The following SLC35G2 variants were observed in gnomAD, a reference collection of about 807,000 sequenced individuals.
The protein encoded by SLC35G2 is transmembrane protein 22.
Under a neutral mutation model 27.2 loss-of-function variants are expected in SLC35G2, and 20 were observed. That is an observed-to-expected ratio of 0.74 (90% confidence interval 0.52 to 1.07). The LOEUF (loss-of-function observed/expected upper bound fraction) is 1.07. Ranked by LOEUF, SLC35G2 falls within the 50% of genes least tolerant of loss-of-function variation. The pLI is 0.00. For synonymous variants in SLC35G2, 148 were observed against 165.3 expected (o/e 0.90, Z 0.80); for missense variants, 416 against 493.3 (o/e 0.84, Z 1.48).
At chr3:136,851,662 A>AT (rs1392748721) in intron 1 of SLC35G2, among the ~76,000 whole-genome samples, 2 of 152,172 alleles carry the variant, frequency 1.3e-5, no homozygotes, top group Non-Finnish European at 2.9e-5. Context: ...CTAAGTACTG[A>AT]TAGGAGCTAG....
At chr3:136,845,800 T>G (rs1937346779) in intron 1 of SLC35G2, among the ~76,000 whole-genome samples, 1 of 152,010 alleles carries the variant, frequency 6.6e-6, no homozygotes, top group East Asian at 1.9e-4. Context: ...TTCACCATGT[T>G]GGCCAGGATG....
chr3:136,833,566 C>A (rs141995508), intron 1 of SLC35G2, among the ~76,000 whole-genome samples: 1 of 152,086 alleles, frequency 6.6e-6, no homozygotes, highest in Non-Finnish European at 1.5e-5. Flanking sequence ...CAGAATGAAG[C>A]GGTTCCACTT....
At chr3:136,835,484 T>C (rs945886822) in intron 1 of SLC35G2, among the ~76,000 whole-genome samples, 8 of 152,182 alleles carry the variant, frequency 5.3e-5, no homozygotes, top group Non-Finnish European at 7.3e-5. Flanking sequence ...GATGTTAACT[T>C]TGATGGCTTA....
chr3:136,853,594 T>C (rs1337442109), intron 1 of SLC35G2, among the ~76,000 whole-genome samples: 1 of 152,178 alleles, frequency 6.6e-6, no homozygotes, highest in African/African-American at 2.4e-5. Flanking sequence ...AAAAAATAAA[T>C]AACAAAAAGG....
chr3:136,824,724 A>G (rs1936542720), intron 1 of SLC35G2, among the ~76,000 whole-genome samples: 2 of 152,122 alleles, frequency 1.3e-5, no homozygotes, highest in Admixed American at 6.5e-5. Flanking sequence ...CTGCTTTTCC[A>G]GTTTGGATGT....
chr3:136,854,704 C>T lies in SLC35G2; in HGVS notation c.244C>T (p.Pro82Ser), dbSNP rs1470846270. ...MDTLPPPTED[P>S]MINEIGQFQS... is the part of the protein sequence containing the mutation. ...TACCCTACCTCCACCAACAGAAGACCCAATGATCAATGAGATTGGACAATT... is the reference window on the plus strand; with the variant it reads ...TACCCTACCTCCACCAACAGAAGACTCAATGATCAATGAGATTGGACAATT... The change falls in exon 2 of 2, where the codon CCA becomes TCA. Residue 82 changes from proline (P) to serine (S), a missense_variant. Coordinates refer to ENST00000446465, the MANE Select transcript of SLC35G2 (RefSeq NM_025246.3). 1 of 1,613,842 alleles carries T rather than the reference C, an allele frequency of 6.2e-7. No homozygotes were observed. Among genetic ancestry groups the T allele is most frequent in the African/African-American group, 1.3e-5 (1 of 74,854 alleles).
chr3:136,831,879 TGAGTC>T (rs915047667), intron 1 of SLC35G2, among the ~76,000 whole-genome samples: 3 of 152,010 alleles, frequency 2.0e-5, no homozygotes, highest in African/African-American at 7.2e-5. Flanking sequence ...GTAAAGTGCT[TGAGTC>T]TAGTCTTTTT....
chr3:136,854,499 A>C lies in SLC35G2; in HGVS notation c.39A>C (p.Lys13Asn). The C allele has an allele frequency of 6.3e-7, 1 of 1,586,038 alleles. No homozygotes were observed. Among genetic ancestry groups the C allele is most frequent in the Middle Eastern group, 1.7e-4 (1 of 5,920 alleles). ...TSPSRKYPVK[K>N]RVKIHPNTVM... ...CCTCCAGAAAATATCCAGTTAAAAA[A>C]CGGGTGAAAATACATCCCAACACAG... The change falls in exon 2 of 2, where the codon AAA becomes AAC. Residue 13 changes from lysine to asparagine, a missense_variant. Coordinates refer to ENST00000446465, the MANE Select transcript of SLC35G2 (RefSeq NM_025246.3).
At chr3:136,848,440 G>T (rs146438408) in intron 1 of SLC35G2, among the ~76,000 whole-genome samples, 4 of 152,040 alleles carry the variant, frequency 2.6e-5, no homozygotes, top group Admixed American at 1.3e-4. Context: ...GCAACATGGC[G>T]AAAACCCATC....
intron 1 of SLC35G2, among the ~76,000 whole-genome samples, chr3:136,826,372 A>G (rs188141197): frequency 6.6e-6 from 1 of 152,220 alleles, no homozygotes; most frequent in Non-Finnish European, 1.5e-5. Flanking sequence ...GAACTTTAGA[A>G]TTCAGTAAAG....
chr3:136,855,263 C>T lies in SLC35G2; in HGVS notation c.803C>T (p.Thr268Ile). The T allele has an allele frequency of 1.2e-6, 2 of 1,614,170 alleles. No homozygotes were observed. Among genetic ancestry groups the T allele is most frequent in the Non-Finnish European group, 1.7e-6 (2 of 1,180,010 alleles). Reference sequence around the variant, plus strand: ...ATGACTGTGATGGCTGGACTGACCACTGCTCTCTCAATGATAGTATACAGA... The same window carrying T: ...ATGACTGTGATGGCTGGACTGACCATTGCTCTCTCAATGATAGTATACAGA... Reference protein sequence around the residue: ...YTMTVMAGLTTALSMIVYRSI... With the variant: ...YTMTVMAGLTIALSMIVYRSI... The change falls in exon 2 of 2, where the codon ACT becomes ATT. Residue 268 changes from threonine to isoleucine, a missense_variant. Thr to Ile is a moderately conservative substitution (Grantham distance 89). Coordinates refer to ENST00000446465, the MANE Select transcript of SLC35G2 (RefSeq NM_025246.3).
intron 1 of SLC35G2, among the ~76,000 whole-genome samples, chr3:136,829,338 C>G (rs1936666870): frequency 6.6e-6 from 1 of 152,078 alleles, no homozygotes; most frequent in Admixed American, 6.6e-5. Flanking sequence ...TCTCCTGCCT[C>G]AGCCTCCCAA....
At chr3:136,840,923 CTTTTTTTTTT>C (rs71626030) in intron 1 of SLC35G2, among the ~76,000 whole-genome samples, 1 of 121,536 alleles carries the variant, frequency 8.2e-6, no homozygotes, top group Non-Finnish European at 1.7e-5. Context: ...GTGCCTGGCC[CTTTTTTTTTT>C]TTTTTTTTTT....
chr3:136,846,007 T>C (rs10470440), intron 1 of SLC35G2, among the ~76,000 whole-genome samples: 103,354 of 151,966 alleles, frequency 0.68, 35,423 homozygotes, highest in East Asian at 0.87. Context: ...TTTGAAAGGG[T>C]GGACTTTGGA....
intron 1 of SLC35G2, among the ~76,000 whole-genome samples, chr3:136,834,388 C>G (rs937359282): frequency 3.6e-4 from 55 of 152,158 alleles, no homozygotes; most frequent in Non-Finnish European, 6.8e-4. Flanking sequence ...GGCTGCAGTG[C>G]AGTGGCGTGA....
chr3:136,851,489 T>G (rs1437461163), intron 1 of SLC35G2, among the ~76,000 whole-genome samples: 1 of 83,458 alleles, frequency 1.2e-5, no homozygotes, highest in East Asian at 3.7e-4. Context: ...AGAGTGAGAC[T>G]CCGTCTCAAA....
chr3:136,825,315 A>C (rs1250052074), intron 1 of SLC35G2, among the ~76,000 whole-genome samples: 2 of 145,878 alleles, frequency 1.4e-5, no homozygotes, highest in East Asian at 4.0e-4. Flanking sequence ...ATCTTGGCTC[A>C]CTGTAACCTC....
At chr3:136,823,649 G>T (rs1441368342) in intron 1 of SLC35G2, among the ~76,000 whole-genome samples, 2 of 152,006 alleles carry the variant, frequency 1.3e-5, no homozygotes, top group Non-Finnish European at 2.9e-5. Flanking sequence ...TGCAGTGAGT[G>T]CAGTGGCTTG....
chr3:136,855,548 T>G lies in SLC35G2; in HGVS notation c.1088T>G (p.Leu363Arg). The G allele has an allele frequency of 6.2e-7, 1 of 1,614,162 alleles. No homozygotes were observed. Among genetic ancestry groups the G allele is most frequent in the South Asian group, 1.1e-5 (1 of 91,082 alleles). ...LEIVVAMVLQ[L>R]LVLHIFPSIY... ...ATTGTGGTAGCTATGGTCTTGCAGC[T>G]TCTCGTGCTGCACATATTTCCTAGC... Residue 363 changes from leucine to arginine, a missense_variant, in exon 2 of 2, where the codon CTT (leucine) becomes CGT (arginine). Transcript: ENST00000446465.
Sources: gnomAD v4.1 joint callset for allele counts (sites outside exome capture counted in the v4.1 genomes callset) on GRCh38, gnomAD v4.1.1 for gene constraint, MANE v1.5 for transcripts, NCBI Gene and HGNC (gene_info 2026-07-23, HGNC 2026-07-21) for gene names.